The following CLIC5 variants were observed in gnomAD, a reference collection of about 807,000 sequenced individuals.
CLIC5 encodes chloride intracellular channel protein 5.
CLIC5 carries 20 observed loss-of-function variants against 24.7 expected under a neutral mutation model. That is an observed-to-expected ratio of 0.81 (90% CI 0.57 to 1.18). The LOEUF (loss-of-function observed/expected upper bound fraction) is 1.18. Among genes scored for constraint, CLIC5 ranks in the 50% most tolerant of loss-of-function variants. The pLI, the probability that CLIC5 is intolerant of heterozygous loss-of-function variation, is 0.00. For missense variants in CLIC5, 341 were observed against 326.1 expected, an observed-to-expected ratio of 1.05 and a Z score of -0.35; for synonymous variants, 159 against 135.6, an observed-to-expected ratio of 1.17 and a Z score of -1.20.
chr6:46,124,950 G>A, the CLIC5 span, among the ~76,000 whole-genome samples: 1 of 152,160 alleles, frequency 6.6e-6, no homozygotes, highest in African/African-American at 2.4e-5. Context: ...AGGATGTGGA[G>A]GAATAGGAAC....
chr6:45,927,389 C>T (rs140533814), intron 4 of CLIC5, among the ~76,000 whole-genome samples: 84 of 152,260 alleles, frequency 5.5e-4, no homozygotes, highest in African/African-American at 1.9e-3. Context: ...ATATCTGCTT[C>T]GTAACAAGAC....
chr6:46,083,294 A>G (rs994406541), upstream of CLIC5, among the ~76,000 whole-genome samples: 12 of 152,202 alleles, frequency 7.9e-5, no homozygotes, highest in African/African-American at 2.6e-4. Context: ...CTCTGATTTT[A>G]GTTATTTCTT....
At chr6:46,031,508 A>G (rs748663085) in intron 1 of CLIC5, among the ~76,000 whole-genome samples, 21 of 152,178 alleles carry the variant, frequency 1.4e-4, no homozygotes, top group Non-Finnish European at 2.1e-4. Flanking sequence ...TGTTCAAAAG[A>G]TTTGTAATAA....
intron 6 of CLIC5, among the ~76,000 whole-genome samples, chr6:45,887,449 C>T (rs1177111833): frequency 6.6e-6 from 1 of 152,180 alleles, no homozygotes; most frequent in Non-Finnish European, 1.5e-5. Flanking sequence ...CTTGTAAAGA[C>T]ACCAGTCATA....
At chr6:45,911,326 A>G (rs1762810898) in intron 5 of CLIC5, among the ~76,000 whole-genome samples, 1 of 152,170 alleles carries the variant, frequency 6.6e-6, no homozygotes, top group Non-Finnish European at 1.5e-5. Context: ...GGCTTAGGTA[A>G]CTACAAGCAA....
intron 1 of CLIC5, among the ~76,000 whole-genome samples, chr6:46,034,101 A>T (rs1172671937): frequency 1.3e-5 from 2 of 152,266 alleles, no homozygotes; most frequent in Non-Finnish European, 2.9e-5. Flanking sequence ...GGATCTTAAA[A>T]TACCAGAAGT....
intron 4 of CLIC5, among the ~76,000 whole-genome samples, chr6:45,933,228 A>G (rs1763810491): frequency 6.6e-6 from 1 of 152,166 alleles, no homozygotes; most frequent in Non-Finnish European, 1.5e-5. Flanking sequence ...TCCAGCAACA[A>G]ATTGGGAACC....
chr6:45,990,033 A>G (rs950195748), intron 1 of CLIC5, among the ~76,000 whole-genome samples: 3 of 152,218 alleles, frequency 2.0e-5, no homozygotes, highest in African/African-American at 7.2e-5. Flanking sequence ...CCTCTGAACC[A>G]GGCAACCTTG....
intron 1 of CLIC5, among the ~76,000 whole-genome samples, chr6:46,027,558 T>A (rs1767369490): frequency 6.6e-6 from 1 of 152,152 alleles, no homozygotes; most frequent in Non-Finnish European, 1.5e-5. Context: ...AGTGAAAGAG[T>A]TCCAGCATAA....
chr6:45,911,664 A>T lies in CLIC5; in HGVS notation c.588+2564T>A, dbSNP rs148539503. 7.9e-4 allele frequency: 778 copies of T among 985,318 alleles called. 5 individuals are homozygous for T. The African/African-American group carries it at 0.013, about 16-fold the overall frequency. 61.0% of individuals were successfully genotyped at this position (985,318 alleles called of 1,614,324 possible). On this transcript the variant is annotated intron_variant, in intron 5 of 5. Coordinates refer to ENST00000339561, the MANE Select transcript of CLIC5 (RefSeq NM_016929.5). Reference sequence around the variant, plus strand: ...TTTTATTTTCAGGATTTTAAAGGGCAGAATGTTAGTTTCAATACAGCAGAA... The same window carrying T: ...TTTTATTTTCAGGATTTTAAAGGGCTGAATGTTAGTTTCAATACAGCAGAA...
Position 46,076,792 on chromosome 6 carries a change from A to ATTTATTTG in CLIC5, c.540+2903_540+2910dup, listed in dbSNP as rs148653731. ...ATTTTCACCATTAGCCCTATTTTAT[A>ATTTATTTG]TTTATTTGTTTATTTGTTTATCAGT... On this transcript the variant is annotated intron_variant, in intron 1 of 5. Transcript: ENST00000185206. Among the ~76,000 whole-genome samples, 674 of 152,252 alleles carry ATTTATTTG rather than the reference A, an allele frequency of 4.4e-3. 24 individuals carry two copies. In the East Asian group the frequency reaches 0.089, roughly 20 times the overall value.
chr6:46,036,349 G>A (rs1366286212), intron 1 of CLIC5, among the ~76,000 whole-genome samples: 2 of 102,760 alleles, frequency 1.9e-5, no homozygotes, highest in Admixed American at 1.5e-4. Context: ...TCATTCTGCC[G>A]CCCAGGCTGG....
chr6:46,019,689 T>C (rs1254531002), upstream of CLIC5, among the ~76,000 whole-genome samples: 1 of 115,536 alleles, frequency 8.7e-6, no homozygotes, highest in Non-Finnish European at 1.7e-5. Flanking sequence ...CGAGACTCCG[T>C]CTCAAAAAAA....
intron 4 of CLIC5, among the ~76,000 whole-genome samples, chr6:45,921,626 C>T (rs1373874213): frequency 2.7e-5 from 4 of 149,530 alleles, no homozygotes; most frequent in African/African-American, 9.9e-5. Context: ...GAAGAGATAG[C>T]TCAAGGCAGA....
the CLIC5 span, among the ~76,000 whole-genome samples, chr6:46,118,540 G>C: frequency 6.6e-6 from 1 of 152,172 alleles, no homozygotes; most frequent in Non-Finnish European, 1.5e-5. Context: ...TTTGAGGGTA[G>C]AGATAATGTT....
chr6:46,023,267 T>G (rs766909320), intron 1 of CLIC5, among the ~76,000 whole-genome samples: 1 of 152,172 alleles, frequency 6.6e-6, no homozygotes, highest in Non-Finnish European at 1.5e-5. Context: ...TGTTGGGAAC[T>G]CTGAAGTCCT....
chr6:45,913,982 G>A (rs952337695), intron 5 of CLIC5, among the ~76,000 whole-genome samples: 1 of 152,188 alleles, frequency 6.6e-6, no homozygotes, highest in African/African-American at 2.4e-5. Context: ...GCACTTTCAC[G>A]CTGTATTTAC....
chr6:46,036,313 T>G (rs889756983), intron 1 of CLIC5, among the ~76,000 whole-genome samples: 30 of 140,702 alleles, frequency 2.1e-4, no homozygotes, highest in African/African-American at 7.4e-4. Context: ...GGTCTTTTTT[T>G]TTTTTTTTTT....
chr6:45,883,538 G>T (rs1248030309), intron 6 of CLIC5, among the ~76,000 whole-genome samples: 1 of 152,156 alleles, frequency 6.6e-6, no homozygotes, highest in Admixed American at 6.5e-5. Context: ...GAGGAGAAAG[G>T]CTTTATCTAT....
Sources: allele counts gnomAD v4.1 joint callset (sites outside exome capture counted in the v4.1 genomes callset), GRCh38; gene constraint gnomAD v4.1.1; transcripts MANE v1.5; gene names NCBI Gene and HGNC (gene_info 2026-07-23, HGNC 2026-07-21).